The following CLTCL1 variants were observed in gnomAD, a reference collection of about 807,000 sequenced individuals.
CLTCL1 encodes clathrin heavy chain 2.
A neutral mutation model predicts 190.0 loss-of-function variants in CLTCL1; 159 were observed. The observed-to-expected ratio is 0.84, with a 90% CI of 0.74 to 0.95. The LOEUF is 0.95. CLTCL1 is among the 40% of genes least tolerant of loss of function. The pLI is 0.00. For missense variants in CLTCL1, 1,878 were observed against 2,033.4 expected, an observed-to-expected ratio of 0.92 and a Z score of 1.47; for synonymous variants, 752 against 769.6, an observed-to-expected ratio of 0.98 and a Z score of 0.38.
chr22:19,243,697 C>CTTTTTTTTTTTTTTTTTTTTTTT (rs1175325908), intron 3 of CLTCL1, among the ~76,000 whole-genome samples: 2 of 107,896 alleles, frequency 1.9e-5, no homozygotes, highest in Non-Finnish European at 1.8e-5. Context: ...TTCTTTCTTT[C>CTTTTTTTTTTTTTTTTTTTTTTT]TTTTTTTTTT....
rs782103509 is a variant in CLTCL1 at position 19,226,341 on chromosome 22, C to A, written c.1825G>T (p.Asp609Tyr). The A allele has an allele frequency of 3.1e-6, 5 of 1,613,956 alleles. No homozygotes were observed. The South Asian group carries it at 3.3e-5, about 11-fold the overall frequency. Residue 609 changes from aspartate (D) to tyrosine (Y), a missense_variant, in exon 12 of 33, where the codon GAC becomes TAC. Coordinates refer to ENST00000427926, the MANE Select transcript of CLTCL1 (RefSeq NM_007098.4). Reference protein sequence around the residue: ...ILGNKMFTHYDRAHIAQLCEK... With the variant: ...ILGNKMFTHYYRAHIAQLCEK... Reference sequence around the variant, plus strand: ...CAGAGCTGGGCAATGTGGGCCCGGTCGTAATGAGTAAACATTTTATTTCCA... The same window carrying A: ...CAGAGCTGGGCAATGTGGGCCCGGTAGTAATGAGTAAACATTTTATTTCCA...
chr22:19,235,630 G>C, intron 6 of CLTCL1, 66 bp downstream of exon 6: 1 of 1,483,558 alleles, frequency 6.7e-7, no homozygotes, highest in Middle Eastern at 1.8e-4. Context: ...TAGAGAAGGG[G>C]GAAAGTTTAA....
At chr22:19,237,385 G>A (rs1555962749) in intron 5 of CLTCL1, among the ~76,000 whole-genome samples, 1 of 152,054 alleles carries the variant, frequency 6.6e-6, no homozygotes, top group Non-Finnish European at 1.5e-5. Flanking sequence ...ACATATGAGT[G>A]GCTGATACAT....
chr22:19,189,107 G>A (rs782264037), intron 27 of CLTCL1, among the ~76,000 whole-genome samples: 6 of 152,078 alleles, frequency 3.9e-5, no homozygotes, highest in Admixed American at 6.6e-5. Context: ...GTTTCACCAC[G>A]TTGGTCAGGC....
chr22:19,225,190 A>G (rs148714448), intron 13 of CLTCL1, among the ~76,000 whole-genome samples: 2 of 152,186 alleles, frequency 1.3e-5, no homozygotes, highest in African/African-American at 2.4e-5. Context: ...TGCTGCGTAG[A>G]CACACCGGGC....
At position 19,291,647 on chromosome 22, in the gene CLTCL1, G is replaced by C; in HGVS notation, c.-6C>G. 2.2e-6 allele frequency: 3 copies of C among 1,385,676 alleles called. No individual in the cohort carries two copies. Among genetic ancestry groups the C allele is most frequent in the Non-Finnish European group, 2.8e-6 (3 of 1,055,964 alleles). The allele number at this position is 1,385,676 out of a possible 1,614,324, so 85.8% of individuals were successfully genotyped here. ...ACAGGGAGGATCTGCGCCATGGCTG[G>C]TGCGGGACCTCGGCGGCGGCGGCGG... On this transcript the variant is annotated 5_prime_UTR_variant, in exon 1 of 33. Transcript: ENST00000427926.
At position 19,291,638 on chromosome 22, in the gene CLTCL1, C is replaced by T; in HGVS notation, c.4G>A (p.Ala2Thr). 7.1e-7 allele frequency: 1 copy of T among 1,400,294 alleles called. No individual in the cohort carries two copies. The highest frequency in any genetic ancestry group is 2.7e-5 in the Admixed American group (1 of 36,458). 86.7% of individuals were successfully genotyped at this position (1,400,294 alleles called of 1,614,324 possible). A position where few individuals can be genotyped will look rare whatever the true frequency, so the allele number is the denominator to read the frequency against. The change falls in exon 1 of 33, where the codon GCG (alanine) becomes ACG (threonine). Residue 2 changes from alanine to threonine, a missense_variant. Physicochemically the swap from Ala to Thr is moderately conservative, Grantham distance 58. Coordinates refer to ENST00000427926, the MANE Select transcript of CLTCL1 (RefSeq NM_007098.4). MAQILPVRFQEH... is the reference protein window; with the variant it reads MTQILPVRFQEH... ...TGAAAGCGAACAGGGAGGATCTGCGCCATGGCTGGTGCGGGACCTCGGCGG... is the reference window on the plus strand; with the variant it reads ...TGAAAGCGAACAGGGAGGATCTGCGTCATGGCTGGTGCGGGACCTCGGCGG...
rs782084602 is a variant in CLTCL1, at chr22:19,187,627, G to C, written c.4536C>G (p.Ala1512=). The part of the protein sequence containing the change: ...HQLMEFRCIA[A]YLYKGNNWWA... ...ACCAGTTATTGCCCTTGTACAGATA[G>C]GCCGCAATGCACCTGAACTCCATCA... The change falls in exon 29 of 33, where the codon GCC becomes GCG. Residue 1512 remains alanine (A), a synonymous_variant. Transcript: ENST00000427926. 2.5e-6 allele frequency: 4 copies of C among 1,613,648 alleles called. No individual in the cohort carries two copies. The highest frequency in any genetic ancestry group is 3.4e-6 in the Non-Finnish European group (4 of 1,179,898).
intron 29 of CLTCL1, chr22:19,184,723 C>A: frequency 2.8e-6 from 1 of 362,900 alleles, no homozygotes; most frequent in Non-Finnish European, 5.5e-6. Flanking sequence ...CCTCTGTGGG[C>A]CTTGGGGACT....
intron 6 of CLTCL1, 146 bp downstream of exon 6, chr22:19,235,550 A>G: frequency 1.4e-6 from 1 of 727,386 alleles, no homozygotes; most frequent in Non-Finnish European, 2.3e-6. Flanking sequence ...GGAAGTGTCA[A>G]TATGAAGGAG....
chr22:19,199,920 T>A, intron 23 of CLTCL1, 79 bp from the exon 24 acceptor site: 1 of 867,376 alleles, frequency 1.2e-6, no homozygotes, highest in Non-Finnish European at 1.8e-6. Context: ...GGCACACAGT[T>A]GCAAATGCAG....
chr22:19,242,076 G>A (rs542150713), intron 4 of CLTCL1, among the ~76,000 whole-genome samples: 2 of 151,712 alleles, frequency 1.3e-5, no homozygotes, highest in Non-Finnish European at 2.9e-5. Context: ...CTGAGTAGCT[G>A]GGACTACAAG....
intron 2 of CLTCL1, among the ~76,000 whole-genome samples, chr22:19,260,056 C>T (rs1327040873): frequency 6.6e-6 from 1 of 152,210 alleles, no homozygotes; most frequent in African/African-American, 2.4e-5. Flanking sequence ...GCAGCCAGAA[C>T]AATCCCTTAA....
intron 4 of CLTCL1, among the ~76,000 whole-genome samples, chr22:19,241,695 G>C (rs547623560): frequency 1.3e-5 from 2 of 152,306 alleles, no homozygotes; most frequent in East Asian, 3.9e-4. Context: ...GGAACCCAAG[G>C]TCTCCCTGAC....
rs555679993 is a variant in CLTCL1 at position 19,194,400 on chromosome 22, C to T, written c.4191+1866G>A. Reference sequence around the variant, plus strand: ...TGGAGGCTGAGGCAGGAGAATCGCTCGAGGCTGGGAGGCGGAGGTTGCAGT... The same window carrying T: ...TGGAGGCTGAGGCAGGAGAATCGCTTGAGGCTGGGAGGCGGAGGTTGCAGT... On this transcript the variant is annotated intron_variant, in intron 26 of 32. Coordinates refer to ENST00000427926, the MANE Select transcript of CLTCL1 (RefSeq NM_007098.4). 9.2e-5 allele frequency among the ~76,000 whole-genome samples: 14 copies of T among 152,166 alleles called. No homozygotes were observed. In the South Asian group the frequency reaches 1.0e-3, roughly 11 times the overall value.
chr22:19,219,468 A>G (rs2085498418), intron 18 of CLTCL1, among the ~76,000 whole-genome samples: 1 of 147,016 alleles, frequency 6.8e-6, no homozygotes, highest in African/African-American at 2.5e-5. Flanking sequence ...TACAGGCGTG[A>G]GCCACCATGC....
intron 1 of CLTCL1, among the ~76,000 whole-genome samples, chr22:19,288,815 C>T (rs2088003041): frequency 6.6e-6 from 1 of 152,220 alleles, no homozygotes; most frequent in African/African-American, 2.4e-5. Context: ...TGCACAAGAG[C>T]CGCCCATGGG....
At position 19,196,569 on chromosome 22, in the gene CLTCL1, C is replaced by T. The variant is rs782660281; in HGVS notation, c.3961G>A (p.Ala1321Thr). 1.2e-6 allele frequency: 2 copies of T among 1,613,710 alleles called. No individual in the cohort carries two copies. The highest frequency in any genetic ancestry group is 4.5e-5 in the East Asian group (2 of 44,884). Residue 1321 changes from alanine (A) to threonine (T), a missense_variant, in exon 25 of 33, where the codon GCC becomes ACC. Coordinates refer to ENST00000427926, the MANE Select transcript of CLTCL1 (RefSeq NM_007098.4). ...GGCTTGAATTTGGAGTAGAGGATGG[C>T]CAGCTCAGTGAACATGCCCATGTGG... ...RAHMGMFTEL[A>T]ILYSKFKPQK...
At chr22:19,195,571 C>T (rs1236549086) in intron 26 of CLTCL1, among the ~76,000 whole-genome samples, 3 of 152,132 alleles carry the variant, frequency 2.0e-5, no homozygotes, top group African/African-American at 2.4e-5. Context: ...TGGCACAAAG[C>T]GCAGATACCC....
Sources: gnomAD v4.1 joint callset for allele counts (sites outside exome capture counted in the v4.1 genomes callset) on GRCh38, gnomAD v4.1.1 for gene constraint, MANE v1.5 for transcripts, NCBI Gene and HGNC (gene_info 2026-07-23, HGNC 2026-07-21) for gene names.